FSTL4: variants seen among roughly 807,000 people sequenced by gnomAD.
FSTL4 encodes the protein follistatin-related protein 4.
Under a neutral mutation model 78.2 loss-of-function variants are expected in FSTL4, and 28 were observed. That is an observed-to-expected ratio of 0.36 (90% CI 0.27 to 0.49). FSTL4 has a LOEUF of 0.49. Ranked by LOEUF, FSTL4 falls within the 20% of genes least tolerant of loss-of-function variation. FSTL4 has a pLI of 0.98. For synonymous variants in FSTL4, 422 were observed against 440.5 expected (o/e 0.96, Z 0.53); for missense variants, 922 against 1,084.9 (o/e 0.85, Z 2.11).
chr5:133,458,100 T>C (rs1383029009), intron 3 of FSTL4: 1 of 152,212 alleles, frequency 6.6e-6, no homozygotes, highest in African/African-American at 2.4e-5. Flanking sequence ...AATGTCATGA[T>C]AATAATCAGC....
At chr5:133,718,077 T>C in the FSTL4 span, among the ~76,000 whole-genome samples, 1 of 151,950 alleles carries the variant, frequency 6.6e-6, no homozygotes, top group Non-Finnish European at 1.5e-5. Flanking sequence ...AGTTTGTTTG[T>C]TTGTTTGTTT....
At chr5:133,424,317 A>G (rs1561711917) in intron 3 of FSTL4, among the ~76,000 whole-genome samples, 1 of 152,206 alleles carries the variant, frequency 6.6e-6, no homozygotes, top group Non-Finnish European at 1.5e-5. Context: ...ATGATCACCC[A>G]GTGTGATGGA....
At chr5:133,215,231 C>T (rs1172289188) in intron 13 of FSTL4, among the ~76,000 whole-genome samples, 1 of 152,112 alleles carries the variant, frequency 6.6e-6, no homozygotes, top group Non-Finnish European at 1.5e-5. Context: ...TCCTTGGTCT[C>T]CTTTATTGGT....
intron 3 of FSTL4, among the ~76,000 whole-genome samples, chr5:133,463,871 C>G (rs965797376): frequency 2.6e-5 from 4 of 152,196 alleles, no homozygotes; most frequent in Admixed American, 6.5e-5. Context: ...TAGGAAGGAC[C>G]AGCAAAGTTA....
At position 133,225,776 on chromosome 5, in the gene FSTL4, C is replaced by G. The variant is rs61741674; in HGVS notation, c.1059G>C (p.Glu353Asp). 6.2e-7 allele frequency: 1 copy of G among 1,608,042 alleles called. No homozygotes were observed. Among genetic ancestry groups the G allele is most frequent in the Non-Finnish European group, 8.5e-7 (1 of 1,177,250 alleles). ...ATCTTAGGCTGGCTGCCACTCCAGG[C>G]TCCTGTGCCTGGCTCTCTGGATAGA... Reference protein sequence around the residue: ...IRVYPESQAQEPGVAASLRCH... With the variant: ...IRVYPESQAQDPGVAASLRCH... Residue 353 changes from glutamate (E) to aspartate (D), a missense_variant, in exon 9 of 16, where the codon GAG (glutamate) becomes GAC (aspartate). Physicochemically the swap from Glu to Asp is conservative, Grantham distance 45. Coordinates refer to ENST00000265342, the MANE Select transcript of FSTL4 (RefSeq NM_015082.2). The surrounding 1 kb of genome is among the most constrained non-coding windows in gnomAD (Gnocchi z 4.6).
At chr5:133,711,856 T>C in the FSTL4 span, among the ~76,000 whole-genome samples, 5 of 151,872 alleles carry the variant, frequency 3.3e-5, no homozygotes, top group Admixed American at 6.6e-5. Context: ...AGAGGAAAAA[T>C]GGTGGAAGGA....
At chr5:133,670,337 G>A in the FSTL4 span, among the ~76,000 whole-genome samples, 1 of 152,218 alleles carries the variant, frequency 6.6e-6, no homozygotes, top group African/African-American at 2.4e-5. Flanking sequence ...AAAACAGGCT[G>A]AGAAAACTAC....
the FSTL4 span, among the ~76,000 whole-genome samples, chr5:133,681,733 GCT>G: frequency 6.6e-6 from 1 of 152,182 alleles, no homozygotes; most frequent in African/African-American, 2.4e-5. Context: ...GCTGGTGGAA[GCT>G]CTGTGTGATG....
At chr5:133,348,243 TTA>T (rs376740811) in intron 4 of FSTL4, among the ~76,000 whole-genome samples, 1 of 152,310 alleles carries the variant, frequency 6.6e-6, no homozygotes, top group Non-Finnish European at 1.5e-5. Context: ...GAAAGGTAAT[TTA>T]TGTCTGAAGC....
chr5:133,718,926 A>G, the FSTL4 span, among the ~76,000 whole-genome samples: 38 of 152,392 alleles, frequency 2.5e-4, no homozygotes, highest in East Asian at 6.0e-3. Context: ...TAAGCAACAT[A>G]TATTCTACAA....
At chr5:133,405,872 C>G (rs1756352147) in intron 3 of FSTL4, among the ~76,000 whole-genome samples, 1 of 152,214 alleles carries the variant, frequency 6.6e-6, no homozygotes. Context: ...CAACGGGGCA[C>G]TTCCGCAGTT....
chr5:133,698,189 C>A, the FSTL4 span, among the ~76,000 whole-genome samples: 2 of 151,386 alleles, frequency 1.3e-5, no homozygotes, highest in Non-Finnish European at 2.9e-5. Flanking sequence ...ACCCTGCTCG[C>A]GTCGAAAAAT....
chr5:133,816,657 G>A, the FSTL4 span, among the ~76,000 whole-genome samples: 2 of 152,174 alleles, frequency 1.3e-5, no homozygotes, highest in Non-Finnish European at 2.9e-5. Context: ...ATAAAATATT[G>A]TAGCTCTCCA....
chr5:133,817,326 G>A, the FSTL4 span, among the ~76,000 whole-genome samples: 2 of 152,202 alleles, frequency 1.3e-5, no homozygotes, highest in African/African-American at 2.4e-5. Context: ...ACTAATGGGA[G>A]TTCCACTGTA....
At chr5:133,456,817 C>T in intron 3 of FSTL4, among the ~76,000 whole-genome samples, 2 of 152,218 alleles carry the variant, frequency 1.3e-5, no homozygotes, top group East Asian at 3.8e-4. Context: ...CTATCTGTGA[C>T]ATGAATGGTT....
the FSTL4 span, among the ~76,000 whole-genome samples, chr5:133,791,922 A>G: frequency 5.4e-3 from 817 of 152,204 alleles, 4 homozygotes; most frequent in Non-Finnish European, 8.6e-3. Context: ...GCTCCTCTCA[A>G]TCTCACCCGT....
intron 4 of FSTL4, among the ~76,000 whole-genome samples, chr5:133,358,236 G>C (rs1218781671): frequency 6.6e-6 from 1 of 152,150 alleles, no homozygotes; most frequent in African/African-American, 2.4e-5. Flanking sequence ...AACTTCACCT[G>C]CAAAGTCCCT....
intron 3 of FSTL4, among the ~76,000 whole-genome samples, chr5:133,542,872 T>C (rs1759505325): frequency 6.6e-6 from 1 of 152,172 alleles, no homozygotes; most frequent in Admixed American, 6.5e-5. Flanking sequence ...GTTAGATTTA[T>C]TGGTTCTTTC....
chr5:133,329,775 C>G (rs938441167), intron 4 of FSTL4, among the ~76,000 whole-genome samples: 1 of 152,182 alleles, frequency 6.6e-6, no homozygotes, highest in East Asian at 1.9e-4. Flanking sequence ...CTTTGTATCC[C>G]TCAATCCAAT....
Sources: allele counts gnomAD v4.1 joint callset (sites outside exome capture counted in the v4.1 genomes callset), GRCh38; gene constraint gnomAD v4.1.1; non-coding constraint Gnocchi (gnomAD v3.1); transcripts MANE v1.5; gene names NCBI Gene and HGNC (gene_info 2026-07-23, HGNC 2026-07-21).